TOGARAM1: variants seen among roughly 807,000 people sequenced by gnomAD.
The protein encoded by TOGARAM1 is TOG array regulator of axonemal microtubules protein 1.
Under a neutral mutation model 166.6 loss-of-function variants are expected in TOGARAM1, and 100 were observed. That is an observed-to-expected ratio of 0.60 (90% CI 0.51 to 0.71). The LOEUF is 0.71. Among genes scored for constraint, TOGARAM1 ranks in the 30% least tolerant of loss-of-function variants. The pLI is 0.00. For missense variants in TOGARAM1, 2,029 were observed against 2,102.7 expected (o/e 0.96, Z 0.69); for synonymous variants, 758 against 763.8 (o/e 0.99, Z 0.13).
intron 7 of TOGARAM1, among the ~76,000 whole-genome samples, chr14:45,023,993 G>C (rs764100489): frequency 6.6e-6 from 1 of 152,070 alleles, no homozygotes; most frequent in Non-Finnish European, 1.5e-5. Context: ...TGCCCACCTC[G>C]GCCCCACAAA....
At position 45,017,915 on chromosome 14, in the gene TOGARAM1, TG is replaced by T. The variant is rs200854423; in HGVS notation, c.3238+5842del. ...GGAAAAAAAGAACCATTGTTAAGAA[TG>T]GTTTTTTTAAACTTAGTAGCAAGTA... is the stretch of plus-strand genomic sequence containing the variant. On this transcript the variant is annotated intron_variant, in intron 7 of 19. Transcript: ENST00000361462. 3.4e-3 allele frequency among the ~76,000 whole-genome samples: 511 copies of T among 152,258 alleles called. 5 individuals are homozygous for T. Among genetic ancestry groups the T allele is most frequent in the African/African-American group, 0.012 (489 of 41,558 alleles).
intron 5 of TOGARAM1, chr14:45,006,990 T>C (rs1352883721): frequency 6.6e-6 from 1 of 152,154 alleles, no homozygotes; most frequent in Non-Finnish European, 1.5e-5. Context: ...GGAATGCGGT[T>C]GCTGTATTAC....
In TOGARAM1 at chr14:44,962,539, G is replaced by A; in HGVS notation, c.118G>A (p.Gly40Ser). Residue 40 changes from glycine (G) to serine (S), a missense_variant, in exon 1 of 20, where the codon GGC (glycine) becomes AGC (serine). Physicochemically the swap from Gly to Ser is moderately conservative, Grantham distance 56. Around this residue, in one of 2 missense-constraint regions of TOGARAM1, gnomAD observed 1,453 missense variants for 1,432.2 expected, o/e 1.01. Transcript: ENST00000361462. ...AGAGACCGATGATAGTCGAGTTGGGGGCATTATGAGAGGAGAGAAAAACTA... is the reference window on the plus strand; with the variant it reads ...AGAGACCGATGATAGTCGAGTTGGGAGCATTATGAGAGGAGAGAAAAACTA... The part of the protein sequence containing the change: ...APETDDSRVG[G>S]IMRGEKNYYF... The A allele has an allele frequency of 8.1e-6, 13 of 1,613,858 alleles. No homozygotes were observed. Among genetic ancestry groups the A allele is most frequent in the African/African-American group, 1.3e-5 (1 of 75,056 alleles).
At chr14:45,044,894 ATGTCTTT>A in intron 13 of TOGARAM1, 24 bp downstream of exon 13, 1 of 1,546,716 alleles carries the variant, frequency 6.5e-7, no homozygotes, top group Non-Finnish European at 8.9e-7. Context: ...TAACCTTGAA[ATGTCTTT>A]AAACAAAAAA....
At chr14:45,000,133 G>A (rs941088775) in intron 3 of TOGARAM1, among the ~76,000 whole-genome samples, 2 of 151,952 alleles carry the variant, frequency 1.3e-5, no homozygotes, top group Non-Finnish European at 2.9e-5. Context: ...TGACTAGCTG[G>A]GACTACAGGT....
chr14:45,051,505 TGA>T (rs1882363929), intron 14 of TOGARAM1, among the ~76,000 whole-genome samples: 1 of 151,584 alleles, frequency 6.6e-6, no homozygotes, highest in Admixed American at 6.6e-5. Flanking sequence ...CAGAAGGATT[TGA>T]AGACAGTGAC....
intron 18 of TOGARAM1, among the ~76,000 whole-genome samples, chr14:45,069,284 G>T (rs940093804): frequency 6.6e-6 from 1 of 152,008 alleles, no homozygotes; most frequent in Non-Finnish European, 1.5e-5. Context: ...CAGGAGAATC[G>T]CTTGAACCCA....
intron 16 of TOGARAM1, among the ~76,000 whole-genome samples, chr14:45,062,602 CAAAAG>C (rs1271154293): frequency 1.3e-5 from 2 of 152,092 alleles, no homozygotes; most frequent in Non-Finnish European, 2.9e-5. Context: ...TACAATGGTG[CAAAAG>C]CAGTATGCAT....
chr14:44,973,864 G>A (rs1403295271), intron 1 of TOGARAM1, among the ~76,000 whole-genome samples: 1 of 151,446 alleles, frequency 6.6e-6, no homozygotes, highest in Admixed American at 6.6e-5. Flanking sequence ...TTTCTGAGAA[G>A]TTAGATGTAA....
chr14:45,047,406 G>GA (rs1416263450), intron 14 of TOGARAM1, among the ~76,000 whole-genome samples: 2 of 147,976 alleles, frequency 1.4e-5, no homozygotes, highest in African/African-American at 5.0e-5. Context: ...AAAAAAAAAA[G>GA]AAAGAAAAAT....
At chr14:45,065,007 C>G (rs993328676) in intron 16 of TOGARAM1, among the ~76,000 whole-genome samples, 1 of 152,168 alleles carries the variant, frequency 6.6e-6, no homozygotes, top group East Asian at 1.9e-4. Flanking sequence ...TGCATCTTTA[C>G]TGTCTCACAG....
chr14:45,055,408 A>G (rs1438352839), intron 16 of TOGARAM1, among the ~76,000 whole-genome samples: 1 of 152,114 alleles, frequency 6.6e-6, no homozygotes, highest in Non-Finnish European at 1.5e-5. Context: ...TAATGTATGT[A>G]TCTGTTTTTA....
intron 1 of TOGARAM1, among the ~76,000 whole-genome samples, chr14:44,993,936 T>C (rs1447901687): frequency 6.6e-6 from 1 of 152,246 alleles, no homozygotes; most frequent in Non-Finnish European, 1.5e-5. Context: ...TCTGGATTAC[T>C]CACTATGTTA....
chr14:44,966,280 TG>T (rs965605598), intron 1 of TOGARAM1, among the ~76,000 whole-genome samples: 2 of 150,396 alleles, frequency 1.3e-5, no homozygotes, highest in African/African-American at 4.9e-5. Flanking sequence ...GAGACCAGCC[TG>T]GCCAACATGG....
At chr14:44,982,862 T>C (rs576042539) in intron 1 of TOGARAM1, among the ~76,000 whole-genome samples, 24 of 152,298 alleles carry the variant, frequency 1.6e-4, no homozygotes, top group African/African-American at 5.3e-4. Context: ...GTAGGGACTG[T>C]TTTATTTTTT....
At position 45,073,323 on chromosome 14, in the gene TOGARAM1, A is replaced by G. The variant is rs539611234; in HGVS notation, c.5084A>G (p.Lys1695Arg). The G allele has an allele frequency of 5.0e-6, 8 of 1,613,366 alleles. No individual in the cohort carries two copies. In the African/African-American group the frequency reaches 1.1e-4, roughly 21 times the overall value. ...ATTGTTACGGAACTTTATCAAAGGAAGCCGCATGCCACAGAGCAGAAAGTG... is the reference window on the plus strand; with the variant it reads ...ATTGTTACGGAACTTTATCAAAGGAGGCCGCATGCCACAGAGCAGAAAGTG... ...ADIVTELYQR[K>R]PHATEQKVLV... Residue 1695 changes from lysine (K) to arginine (R), a missense_variant, in exon 20 of 20, where the codon AAG (lysine) becomes AGG (arginine). Physicochemically the swap from Lys to Arg is conservative, Grantham distance 26. This residue lies in a region of TOGARAM1 where 576 missense variants were observed against 670.5 expected (regional missense o/e 0.86). Transcript: ENST00000361462.
chr14:45,047,517 T>C (rs1255480648), intron 14 of TOGARAM1, among the ~76,000 whole-genome samples: 1 of 152,160 alleles, frequency 6.6e-6, no homozygotes, highest in Non-Finnish European at 1.5e-5. Flanking sequence ...AAAACAATTT[T>C]ATGAAGTTTA....
intron 1 of TOGARAM1, among the ~76,000 whole-genome samples, chr14:44,985,035 A>G (rs564534630): frequency 1.3e-5 from 2 of 150,904 alleles, no homozygotes; most frequent in African/African-American, 4.9e-5. Context: ...TTTTTCTGAG[A>G]TGGAGTCTCG....
chr14:44,963,878 T>C lies in TOGARAM1; in HGVS notation c.1457T>C (p.Val486Ala), dbSNP rs746338277. The C allele has an allele frequency of 1.2e-6, 2 of 1,613,662 alleles. No homozygotes were observed. Among genetic ancestry groups the C allele is most frequent in the South Asian group, 2.2e-5 (2 of 91,070 alleles). Residue 486 changes from valine (V) to alanine (A), a missense_variant, in exon 1 of 20, where the codon GTG (valine) becomes GCG (alanine). Val to Ala is a moderately conservative substitution (Grantham distance 64). Transcript: ENST00000361462. ...LEHLKHKHSR[V>A]REEVVNICIC... ...CATCTCAAACATAAGCATTCCAGAG[T>C]GAGAGAGGAGGTGGTGAACATTTGC...
Sources: gnomAD v4.1 joint callset for allele counts (sites outside exome capture counted in the v4.1 genomes callset) on GRCh38, gnomAD v4.1.1 for gene constraint, gnomAD v4.1.1 regional missense constraint, MANE v1.5 for transcripts, NCBI Gene and HGNC (gene_info 2026-07-23, HGNC 2026-07-21) for gene names.